Variants in FAM120C observed in about 807,000 individuals in gnomAD.
FAM120C encodes the protein constitutive coactivator of PPAR-gamma-like protein 2.
Under a neutral mutation model 71.2 loss-of-function variants are expected in FAM120C, and 14 were observed. The ratio of observed to expected loss-of-function variants is 0.20; its 90% confidence interval spans 0.13 to 0.31. The LOEUF (loss-of-function observed/expected upper bound fraction) is 0.31, where lower values mean the gene tolerates loss of function less well. FAM120C is among the 10% of genes least tolerant of loss of function. The pLI is 1.00. For synonymous variants in FAM120C, 354 were observed against 353.2 expected (o/e 1.00, Z -0.03); for missense variants, 500 against 879.0 (o/e 0.57, Z 5.45).
At chrX:54,128,839 A>G (rs2146604361) in intron 9 of FAM120C, among the ~76,000 whole-genome samples, 1 of 111,790 alleles carries the variant, frequency 8.9e-6, no homozygotes, top group Non-Finnish European at 1.9e-5. Context: ...TTCTTAGTAC[A>G]GAACAAAATG....
rs1174694225 is a variant in FAM120C at position 54,069,672 on chromosome X, T to G, written c.*3361A>C. ...AAAGTTAATGTGACTTGGCCAATGA[T>G]GTCAGAAATCAAGATGGAGACAAAA... On this transcript the variant is annotated 3_prime_UTR_variant, in exon 16 of 16. Coordinates refer to ENST00000375180, the MANE Select transcript of FAM120C (RefSeq NM_017848.6). 9.0e-6 allele frequency: 1 copy of G among 111,695 alleles called. No homozygotes were observed. The highest frequency in any genetic ancestry group is 3.3e-5 in the African/African-American group (1 of 30,710). The allele number at this position is 111,695 out of a possible 1,213,427, so 9.2% of individuals were successfully genotyped here.
chrX:54,159,153 G>A (rs1254634031), intron 2 of FAM120C, among the ~76,000 whole-genome samples: 1 of 111,648 alleles, frequency 9.0e-6, no homozygotes, highest in Non-Finnish European at 1.9e-5. Context: ...TAATGTTCTG[G>A]AATAACCTGT....
intron 15 of FAM120C, among the ~76,000 whole-genome samples, chrX:54,079,934 C>G (rs1215302430): frequency 8.9e-6 from 1 of 112,089 alleles, no homozygotes; most frequent in Admixed American, 9.6e-5. Flanking sequence ...TAGCATCACT[C>G]TGGCCCCTTT....
At chrX:54,142,511 C>T (rs1449338396) in intron 4 of FAM120C, among the ~76,000 whole-genome samples, 2 of 112,043 alleles carry the variant, frequency 1.8e-5, no homozygotes, top group Non-Finnish European at 3.8e-5. Context: ...AGTCTGAGGT[C>T]GAACTGCAAG....
At chrX:54,177,941 G>C (rs2067327249) in intron 1 of FAM120C, among the ~76,000 whole-genome samples, 1 of 111,644 alleles carries the variant, frequency 9.0e-6, no homozygotes, top group Middle Eastern at 4.2e-3. Flanking sequence ...TGATATTAAT[G>C]ATCTTAAAGA....
intron 4 of FAM120C, among the ~76,000 whole-genome samples, chrX:54,144,994 C>T (rs1383413673): frequency 1.8e-5 from 2 of 111,193 alleles, no homozygotes; most frequent in Non-Finnish European, 3.8e-5. Flanking sequence ...CAGAACAGAG[C>T]CCTCAGAATT....
intron 1 of FAM120C, among the ~76,000 whole-genome samples, chrX:54,173,589 T>A (rs1465361488): frequency 8.9e-6 from 1 of 112,628 alleles, no homozygotes; most frequent in Non-Finnish European, 1.9e-5. Context: ...TTAAATGGTA[T>A]CTTAAATCGT....
At position 54,071,892 on chromosome X, in the gene FAM120C, A is replaced by G. The variant is rs1229905857; in HGVS notation, c.*1141T>C. 1 of 107,221 alleles carries G rather than the reference A, an allele frequency of 9.3e-6. No homozygotes were observed. The highest frequency in any genetic ancestry group is 3.4e-5 in the African/African-American group (1 of 29,498). The allele number at this position is 107,221 out of a possible 1,213,427, so 8.8% of individuals were successfully genotyped here. Reference sequence around the variant, plus strand: ...GAAACCTTCCACTCCATAGCAGTGGAAGCATTTCTGGGAAATTGAGTAAAT... The same window carrying G: ...GAAACCTTCCACTCCATAGCAGTGGGAGCATTTCTGGGAAATTGAGTAAAT... On this transcript the variant is annotated 3_prime_UTR_variant, in exon 16 of 16. Coordinates refer to ENST00000375180, the MANE Select transcript of FAM120C (RefSeq NM_017848.6).
chrX:54,175,151 TTTATC>T (rs1418206468), intron 1 of FAM120C, among the ~76,000 whole-genome samples: 1 of 111,956 alleles, frequency 8.9e-6, no homozygotes, highest in African/African-American at 3.2e-5. Flanking sequence ...ATTTTGCCTA[TTTATC>T]TTGTTTGTTA....
chrX:54,145,703 T>C (rs868926786), intron 4 of FAM120C, among the ~76,000 whole-genome samples: 119 of 112,082 alleles, frequency 1.1e-3, no homozygotes, highest in Middle Eastern at 4.6e-3. Context: ...TTTTACACTG[T>C]TGGTGGGACT....
chrX:54,106,179 C>G (rs1473324183), intron 10 of FAM120C, among the ~76,000 whole-genome samples: 1 of 111,662 alleles, frequency 9.0e-6, no homozygotes, highest in Non-Finnish European at 1.9e-5. Context: ...GCTACGGTAA[C>G]CAAAACAGCA....
Position 54,079,568 on chromosome X carries a change from C to T in FAM120C, c.3036+664G>A, listed in dbSNP as rs919823204. Among the ~76,000 whole-genome samples the T allele has an allele frequency of 1.3e-4, 15 of 112,241 alleles. No individual in the cohort carries two copies. In the Admixed American group the frequency reaches 1.4e-3, roughly 11 times the overall value. On this transcript the variant is annotated intron_variant, in intron 15 of 15. Transcript: ENST00000375180. ...AATCCAGCACTTCGGGAGGCCGAGG[C>T]GAGTGGATTGCCTGAGGTCGGGAGT...
chrX:54,172,638 A>T (rs1483363989), intron 1 of FAM120C, among the ~76,000 whole-genome samples: 1 of 112,053 alleles, frequency 8.9e-6, no homozygotes, highest in Non-Finnish European at 1.9e-5. Context: ...GGTTACATCA[A>T]ATTCTTAACA....
chrX:54,155,083 A>G (rs1265189548), intron 3 of FAM120C, among the ~76,000 whole-genome samples: 2 of 111,634 alleles, frequency 1.8e-5, no homozygotes, highest in Non-Finnish European at 3.8e-5. Context: ...ATGTGCCTGT[A>G]GTCCCAGCTA....
chrX:54,082,347 T>C (rs2066770382), intron 13 of FAM120C, among the ~76,000 whole-genome samples: 2 of 111,522 alleles, frequency 1.8e-5, no homozygotes, highest in Non-Finnish European at 3.8e-5. Flanking sequence ...AGGCATTCAG[T>C]ATTTGTTGAA....
chrX:54,073,139 C>T lies in FAM120C; in HGVS notation c.3185G>A (p.Ser1062Asn). Residue 1062 changes from serine (S) to asparagine (N), a missense_variant, in exon 16 of 16, where the codon AGC becomes AAC. By Grantham distance (46) the Ser-to-Asn change is conservative. Coordinates refer to ENST00000375180, the MANE Select transcript of FAM120C (RefSeq NM_017848.6). ...APSQCALSRD[S>N]NECNNGNRYL... ...GCGGTTACCATTATTACACTCATTG[C>T]TGTCTCTGGATAAGGCACATTGTGA... 8.3e-7 allele frequency: 1 copy of T among 1,211,478 alleles called. No homozygotes were observed. The highest frequency in any genetic ancestry group is 1.7e-5 in the African/African-American group (1 of 57,766).
intron 9 of FAM120C, among the ~76,000 whole-genome samples, chrX:54,126,048 T>G (rs1204370300): frequency 8.0e-5 from 9 of 112,414 alleles, no homozygotes; most frequent in African/African-American, 2.9e-4. Flanking sequence ...TTTTTATATA[T>G]TTATCTTGTA....
intron 11 of FAM120C, among the ~76,000 whole-genome samples, chrX:54,088,606 A>AAT (rs1557122281): frequency 9.3e-6 from 1 of 106,957 alleles, no homozygotes; most frequent in East Asian, 2.9e-4. Flanking sequence ...AAAAAAAAAA[A>AAT]AAAAAAACGA....
In FAM120C at chrX:54,116,721, T is replaced by C. The variant is rs138574234; in HGVS notation, c.2136A>G (p.Ala712=). The C allele has an allele frequency of 3.9e-5, 47 of 1,209,722 alleles. No individual in the cohort carries two copies. The South Asian group carries it at 8.3e-4, about 21-fold the overall frequency. The change falls in exon 10 of 16, where the codon GCA becomes GCG. Residue 712 remains alanine, a synonymous_variant. Transcript: ENST00000375180. ...GGCAAGTCCATTCCCGAAATGTCAG[T>C]GCAGACACCAGCTCAGGGGTTTGAG... ...KSPQTPELVS[A]LTFREWTCPN...
Sources: gnomAD v4.1 joint callset for allele counts (sites outside exome capture counted in the v4.1 genomes callset) on GRCh38, gnomAD v4.1.1 for gene constraint, MANE v1.5 for transcripts, NCBI Gene and HGNC (gene_info 2026-07-23, HGNC 2026-07-21) for gene names.